Variants in LCORL observed in about 807,000 individuals in gnomAD.
LCORL encodes the protein ligand dependent nuclear receptor corepressor like, also known as ligand-dependent nuclear receptor corepressor-like protein.
Under a neutral mutation model 141.8 loss-of-function variants are expected in LCORL, and 41 were observed. The ratio of observed to expected loss-of-function variants is 0.29; its 90% CI spans 0.23 to 0.38. LCORL has a LOEUF of 0.38. Among genes scored for constraint, LCORL ranks in the 10% least tolerant of loss-of-function variants. LCORL has a pLI of 1.00. For missense variants in LCORL, 1,759 were observed against 2,035.0 expected (o/e 0.86, Z 2.61); for synonymous variants, 618 against 694.1 (o/e 0.89, Z 1.72).
chr4:18,013,922 C>T (rs1239445911), intron 1 of LCORL, among the ~76,000 whole-genome samples: 1 of 151,954 alleles, frequency 6.6e-6, no homozygotes, highest in Non-Finnish European at 1.5e-5. Context: ...ATTCTTGTGC[C>T]TCAGCCTCCC....
chr4:17,847,802 T>C (rs916427681), intron 7 of LCORL, among the ~76,000 whole-genome samples: 2 of 152,206 alleles, frequency 1.3e-5, no homozygotes, highest in Non-Finnish European at 2.9e-5. Flanking sequence ...CATATTTGTA[T>C]TGCTTGTATT....
chr4:17,896,682 A>T (rs1344336818), intron 5 of LCORL, among the ~76,000 whole-genome samples: 10 of 152,206 alleles, frequency 6.6e-5, no homozygotes, highest in Non-Finnish European at 1.2e-4. Context: ...ACATCAGGGT[A>T]GACGGGGCAT....
chr4:18,001,010 C>A (rs1370235495), intron 1 of LCORL, among the ~76,000 whole-genome samples: 8 of 152,098 alleles, frequency 5.3e-5, no homozygotes, highest in Admixed American at 5.2e-4. Context: ...GTTTGAGAAT[C>A]CAAAAAGAGT....
intron 5 of LCORL, among the ~76,000 whole-genome samples, chr4:17,894,440 T>C (rs1403712179): frequency 2.6e-5 from 4 of 152,316 alleles, no homozygotes; most frequent in Middle Eastern, 3.4e-3. Flanking sequence ...CTACTGATAT[T>C]TACCATAACA....
chr4:17,847,607 A>G (rs1376972866), intron 7 of LCORL, among the ~76,000 whole-genome samples: 2 of 152,250 alleles, frequency 1.3e-5, no homozygotes, highest in African/African-American at 4.8e-5. Context: ...TTAAAAAATA[A>G]TATAATTAAA....
intron 5 of LCORL, among the ~76,000 whole-genome samples, chr4:17,901,930 A>G (rs182596139): frequency 5.3e-5 from 8 of 152,228 alleles, no homozygotes; most frequent in Non-Finnish European, 8.8e-5. Flanking sequence ...AAGAATATCA[A>G]TGTGTGTGTC....
At position 17,883,738 on chromosome 4, in the gene LCORL, G is replaced by A. The variant is rs1202060068; in HGVS notation, c.776+2330C>T. The A allele has an allele frequency of 5.8e-6, 9 of 1,540,878 alleles. No homozygotes were observed. The Admixed American group carries it at 1.4e-4, about 24-fold the overall frequency. On this transcript the variant is annotated intron_variant, in intron 6 of 7. Transcript: ENST00000635767. Reference sequence around the variant, plus strand: ...AAGTAATCTACACAGGCTTGCTGCTGTTTTTGCAGCTGCCAGTCCCTGAAT... The same window carrying A: ...AAGTAATCTACACAGGCTTGCTGCTATTTTTGCAGCTGCCAGTCCCTGAAT...
At chr4:17,932,550 C>T (rs1736215112) in intron 4 of LCORL, among the ~76,000 whole-genome samples, 1 of 152,144 alleles carries the variant, frequency 6.6e-6, no homozygotes, top group Admixed American at 6.5e-5. Flanking sequence ...CCAACCTTCA[C>T]TCTGCTTTAG....
At chr4:17,938,530 C>T (rs1214737440) in intron 4 of LCORL, among the ~76,000 whole-genome samples, 1 of 150,924 alleles carries the variant, frequency 6.6e-6, no homozygotes, top group Non-Finnish European at 1.5e-5. Context: ...AATTGTCCTG[C>T]GTCAGCCTCC....
Position 18,002,258 on chromosome 4 carries a change from A to G in LCORL, c.154+19340T>C, listed in dbSNP as rs773156604. On this transcript the variant is annotated intron_variant, in intron 1 of 7. Coordinates refer to ENST00000635767, the Ensembl canonical transcript of LCORL. ...ATATGCTATGGGTCTATAATAAGCA[A>G]TATCTTCTTTGGTTTGCTTCATGAA... 5.3e-5 allele frequency among the ~76,000 whole-genome samples: 8 copies of G among 152,322 alleles called. No homozygotes were observed. In the South Asian group the frequency reaches 6.2e-4, roughly 12 times the overall value.
chr4:17,884,119 T>C lies in LCORL; in HGVS notation c.776+1949A>G, dbSNP rs928289238. On this transcript the variant is annotated intron_variant, in intron 6 of 7. Coordinates refer to ENST00000635767, the Ensembl canonical transcript of LCORL. This position sits in a 1 kb window ranked among gnomAD's most constrained non-coding sequence, Gnocchi z 4.4. ...AGTAAGAGTCAACACTTGAGTGAGT[T>C]ACAGGCCCAGAACATTCTATTTTGT... The C allele has an allele frequency of 5.8e-6, 9 of 1,550,672 alleles. No homozygotes were observed. The highest frequency in any genetic ancestry group is 2.7e-5 in the African/African-American group (2 of 72,952).
intron 5 of LCORL, chr4:17,893,138 T>C (rs755794195): frequency 6.5e-6 from 1 of 152,686 alleles, no homozygotes; most frequent in Non-Finnish European, 1.5e-5. Context: ...TACTTACCAG[T>C]GTCAACCCTG....
chr4:17,961,545 A>G (rs533652317), intron 4 of LCORL, among the ~76,000 whole-genome samples: 7 of 152,232 alleles, frequency 4.6e-5, no homozygotes, highest in Non-Finnish European at 1.0e-4. Flanking sequence ...ATAATATTAT[A>G]TATCTGTAAC....
At chr4:17,951,953 A>G (rs1161831048) in intron 4 of LCORL, among the ~76,000 whole-genome samples, 1 of 152,216 alleles carries the variant, frequency 6.6e-6, no homozygotes, top group East Asian at 1.9e-4. Flanking sequence ...CACACAGGTG[A>G]TGATACAGTT....
chr4:17,927,246 G>T (rs1293807534), intron 4 of LCORL, among the ~76,000 whole-genome samples: 2 of 152,086 alleles, frequency 1.3e-5, no homozygotes, highest in African/African-American at 4.8e-5. Flanking sequence ...AGCTGTCTCG[G>T]CCTCCAACGA....
At chr4:17,844,855 T>C (rs1215412049) in exon 8 of LCORL, 1 of 152,154 alleles carries the variant, frequency 6.6e-6, no homozygotes, top group Non-Finnish European at 1.5e-5. Flanking sequence ...AAAATAAATT[T>C]AAGCACCAAA....
intron 7 of LCORL, among the ~76,000 whole-genome samples, chr4:17,858,950 A>G (rs1333617429): frequency 1.3e-5 from 2 of 152,160 alleles, no homozygotes; most frequent in East Asian, 3.8e-4. Context: ...CAAATATAAG[A>G]ATGCCATACC....
At chr4:17,853,045 CTTGATTTTTTT>C (rs1723947642) in intron 7 of LCORL, among the ~76,000 whole-genome samples, 1 of 128,564 alleles carries the variant, frequency 7.8e-6, no homozygotes, top group Non-Finnish European at 1.6e-5. Context: ...GTGCTAAAAG[CTTGATTTTTTT>C]TTTTTTTTTT....
At chr4:17,978,667 T>C (rs1717428324) in intron 1 of LCORL, among the ~76,000 whole-genome samples, 1 of 151,892 alleles carries the variant, frequency 6.6e-6, no homozygotes, top group South Asian at 2.1e-4. Context: ...TTGCCAGCCC[T>C]ATATAAGTTC....
Sources: gnomAD v4.1 joint callset for allele counts (sites outside exome capture counted in the v4.1 genomes callset) on GRCh38, gnomAD v4.1.1 for gene constraint, Gnocchi (gnomAD v3.1) non-coding constraint, MANE v1.5 for transcripts, NCBI Gene and HGNC (gene_info 2026-07-23, HGNC 2026-07-21) for gene names.